Variants in MAP1B observed in about 807,000 individuals in gnomAD.
The protein encoded by MAP1B is microtubule associated protein 1B, also known as microtubule-associated protein 1B.
A neutral mutation model predicts 176.1 loss-of-function variants in MAP1B; 12 were observed. That is an observed-to-expected ratio of 0.07 (90% CI 0.04 to 0.11). The LOEUF (loss-of-function observed/expected upper bound fraction) is 0.11. MAP1B is among the 10% of genes least tolerant of loss of function. MAP1B has a pLI of 1.00. For missense variants in MAP1B, 2,523 were observed against 2,990.5 expected (o/e 0.84, Z 3.65); for synonymous variants, 1,044 against 1,135.0 (o/e 0.92, Z 1.61).
Position 72,197,681 on chromosome 5 carries a change from A to G in MAP1B, c.4326A>G (p.Val1442=). The G allele has an allele frequency of 6.2e-7, 1 of 1,614,140 alleles. No individual in the cohort carries two copies. ...KSGKQGSPDQ[V]SPVSEMTSTS... is the part of the protein sequence containing the mutation. ...GAAAACAAGGCTCTCCAGACCAAGTAAGTCCAGTTTCTGAAATGACTTCTA... is the reference window on the plus strand; with the variant it reads ...GAAAACAAGGCTCTCCAGACCAAGTGAGTCCAGTTTCTGAAATGACTTCTA... Residue 1442 remains valine, a synonymous_variant, in exon 5 of 7, where the codon GTA becomes GTG. Transcript: ENST00000296755.
At chr5:72,134,559 G>T (rs543118127) in intron 2 of MAP1B, among the ~76,000 whole-genome samples, 1 of 151,972 alleles carries the variant, frequency 6.6e-6, no homozygotes. Flanking sequence ...GGAAGCTGTT[G>T]TCTTACCACA....
rs972237977 is a variant in MAP1B, at chr5:72,173,843, T to C, written c.287-9900T>C. Among the ~76,000 whole-genome samples the C allele has an allele frequency of 2.0e-5, 3 of 152,336 alleles. No homozygotes were observed. In the South Asian group the frequency reaches 6.2e-4, roughly 32 times the overall value. The stretch of plus-strand genomic sequence containing the variant: ...CCTGTGGACTGGATTTAAAACCTAG[T>C]TCCTGCTGGGCGTGGTGGCTCAAGC... On this transcript the variant is annotated intron_variant, in intron 2 of 6. Coordinates refer to ENST00000296755, the MANE Select transcript of MAP1B (RefSeq NM_005909.5).
chr5:72,195,087 C>T lies in MAP1B; in HGVS notation c.1732C>T (p.Pro578Ser), dbSNP rs770060323. 1.3e-5 allele frequency: 21 copies of T among 1,613,846 alleles called. No homozygotes were observed. The highest frequency in any genetic ancestry group is 1.5e-5 in the Non-Finnish European group (18 of 1,180,028). The change falls in exon 5 of 7, where the codon CCC (proline) becomes TCC (serine). Residue 578 changes from proline (P) to serine (S), a missense_variant. Coordinates refer to ENST00000296755, the MANE Select transcript of MAP1B (RefSeq NM_005909.5). ...AAAAGTGAATCACGTGGAAAAGCCA[C>T]CCAAAGTTGAAAGCAAAGAAAAGGT... is the stretch of plus-strand genomic sequence containing the variant. ...VTKVNHVEKP[P>S]KVESKEKVMV...
intron 2 of MAP1B, among the ~76,000 whole-genome samples, chr5:72,160,231 A>AAAC (rs1746303209): frequency 6.6e-6 from 1 of 151,678 alleles, no homozygotes; most frequent in Non-Finnish European, 1.5e-5. Context: ...AAAAAAAAAA[A>AAAC]AATCCAAACC....
In MAP1B at chr5:72,196,094, G is replaced by A. The variant is rs1314168559; in HGVS notation, c.2739G>A (p.Glu913=). The A allele has an allele frequency of 1.2e-6, 2 of 1,614,128 alleles. No individual in the cohort carries two copies. The highest frequency in any genetic ancestry group is 1.7e-6 in the Non-Finnish European group (2 of 1,180,032). Residue 913 remains glutamate, a synonymous_variant, in exon 5 of 7, where the codon GAG becomes GAA. Coordinates refer to ENST00000296755, the MANE Select transcript of MAP1B (RefSeq NM_005909.5). This position sits in a 1 kb window ranked among gnomAD's most constrained non-coding sequence, Gnocchi z 5.3. ...GTGAACAGACACCTGAGGAGCTGGAGCCCGTCGAGAAGCAGGGAGTAGACG... is the reference window on the plus strand; with the variant it reads ...GTGAACAGACACCTGAGGAGCTGGAACCCGTCGAGAAGCAGGGAGTAGACG... ...GECEQTPEEL[E]PVEKQGVDDI...
At chr5:72,153,520 G>T (rs185007729) in intron 2 of MAP1B, among the ~76,000 whole-genome samples, 289 of 151,932 alleles carry the variant, frequency 1.9e-3, no homozygotes, top group Admixed American at 0.015. Context: ...AGTGAGGCCT[G>T]GAGTCAGTGT....
intron 2 of MAP1B, among the ~76,000 whole-genome samples, chr5:72,151,353 C>G (rs1475482219): frequency 3.3e-5 from 5 of 152,140 alleles, no homozygotes; most frequent in African/African-American, 9.7e-5. Flanking sequence ...CTCAGACACC[C>G]TCACATTGGG....
chr5:72,157,513 G>T (rs901674480), intron 2 of MAP1B, among the ~76,000 whole-genome samples: 1 of 152,230 alleles, frequency 6.6e-6, no homozygotes, highest in Non-Finnish European at 1.5e-5. Flanking sequence ...ATGGAGATGG[G>T]ATTCCCGGGG....
At chr5:72,140,896 C>G (rs749399572) in intron 2 of MAP1B, among the ~76,000 whole-genome samples, 1 of 152,156 alleles carries the variant, frequency 6.6e-6, no homozygotes, top group Admixed American at 6.5e-5. Flanking sequence ...GGGTATGAGT[C>G]GTTATGAATC....
intron 2 of MAP1B, among the ~76,000 whole-genome samples, chr5:72,130,105 C>CAAATA (rs937321955): frequency 5.6e-5 from 8 of 143,822 alleles, no homozygotes; most frequent in African/African-American, 7.7e-5. Flanking sequence ...AAGCTAGTTA[C>CAAATA]AAATAAAATA....
At chr5:72,142,529 G>A (rs1745965046) in intron 2 of MAP1B, among the ~76,000 whole-genome samples, 1 of 152,068 alleles carries the variant, frequency 6.6e-6, no homozygotes, top group African/African-American at 2.4e-5. Flanking sequence ...TAATTATGTG[G>A]AAACAAATGT....
intron 4 of MAP1B, among the ~76,000 whole-genome samples, chr5:72,189,057 C>A (rs561858048): frequency 5.9e-5 from 9 of 152,248 alleles, no homozygotes; most frequent in Admixed American, 2.0e-4. Context: ...TTCCTTTTAT[C>A]CAGTCCTTGA....
In MAP1B at chr5:72,199,729, A is replaced by T; in HGVS notation, c.6374A>T (p.Gln2125Leu). The T allele has an allele frequency of 1.2e-6, 2 of 1,614,138 alleles. No homozygotes were observed. Among genetic ancestry groups the T allele is most frequent in the Admixed American group, 1.7e-5 (1 of 60,030 alleles). ...PTEESEKPLT[Q>L]SGGAPPPPGG... The stretch of plus-strand genomic sequence containing the variant: ...GAAGAATCTGAAAAGCCCCTCACTC[A>T]ATCAGGGGGAGCCCCACCGCCTCCA... Residue 2125 changes from glutamine (Q) to leucine (L), a missense_variant, in exon 5 of 7, where the codon CAA becomes CTA. Around this residue, in one of 4 missense-constraint regions of MAP1B, gnomAD observed 1,925 missense variants for 2,126.0 expected, o/e 0.91. Coordinates refer to ENST00000296755, the MANE Select transcript of MAP1B (RefSeq NM_005909.5). The surrounding 1 kb of genome is among the most constrained non-coding windows in gnomAD (Gnocchi z 4.2).
intron 3 of MAP1B, among the ~76,000 whole-genome samples, chr5:72,185,000 C>T (rs952295433): frequency 2.6e-5 from 4 of 152,164 alleles, no homozygotes; most frequent in Admixed American, 1.3e-4. Flanking sequence ...CCGACAACTG[C>T]GAACCTGCCT....
chr5:72,113,457 C>A (rs1745378809), intron 1 of MAP1B, among the ~76,000 whole-genome samples: 1 of 152,066 alleles, frequency 6.6e-6, no homozygotes, highest in Admixed American at 6.6e-5. Flanking sequence ...TGCTAAATTA[C>A]AAATATGTCA....
Position 72,197,475 on chromosome 5 carries a change from A to G in MAP1B, c.4120A>G (p.Arg1374Gly). The part of the protein sequence containing the change: ...EFSDAKDENE[R>G]ASVSPMDEPV... ...CAGTGATGCCAAAGATGAGAATGAA[A>G]GGGCTTCAGTAAGCCCCATGGATGA... The change falls in exon 5 of 7, where the codon AGG becomes GGG. Residue 1374 changes from arginine (R) to glycine (G), a missense_variant. Physicochemically the swap from Arg to Gly is moderately radical, Grantham distance 125. Transcript: ENST00000296755. 6.2e-7 allele frequency: 1 copy of G among 1,614,208 alleles called. No homozygotes were observed. Among genetic ancestry groups the G allele is most frequent in the Non-Finnish European group, 8.5e-7 (1 of 1,180,032 alleles).
chr5:72,180,229 A>G (rs949730428), intron 2 of MAP1B, among the ~76,000 whole-genome samples: 1 of 152,202 alleles, frequency 6.6e-6, no homozygotes, highest in Non-Finnish European at 1.5e-5. Flanking sequence ...GTCTACTTGT[A>G]TGGATTCCTG....
At chr5:72,161,047 ATGTTGTTT>A (rs950315223) in intron 2 of MAP1B, among the ~76,000 whole-genome samples, 6 of 152,218 alleles carry the variant, frequency 3.9e-5, no homozygotes, top group Admixed American at 3.9e-4. Flanking sequence ...TGGGGAGAAC[ATGTTGTTT>A]CTCCTTAAGA....
intron 2 of MAP1B, chr5:72,116,459 G>T (rs1579979828): frequency 2.4e-6 from 1 of 420,608 alleles, no homozygotes; most frequent in Non-Finnish European, 4.6e-6. Flanking sequence ...TAAAGGTAAG[G>T]ATGCAAAAAT....
Sources: allele counts gnomAD v4.1 joint callset (sites outside exome capture counted in the v4.1 genomes callset), GRCh38; gene constraint gnomAD v4.1.1; regional missense constraint gnomAD v4.1.1; non-coding constraint Gnocchi (gnomAD v3.1); transcripts MANE v1.5; gene names NCBI Gene and HGNC (gene_info 2026-07-23, HGNC 2026-07-21).